The following CACNA2D1 variants were observed in gnomAD, a reference collection of about 807,000 sequenced individuals.
CACNA2D1 encodes the protein calcium voltage-gated channel auxiliary subunit alpha2delta 1.
CACNA2D1 carries 53 observed loss-of-function variants against 171.5 expected under a neutral mutation model. The ratio of observed to expected loss-of-function variants is 0.31; its 90% confidence interval spans 0.25 to 0.39. The LOEUF is 0.39. Ranked by LOEUF, CACNA2D1 falls within the 10% of genes least tolerant of loss-of-function variation. CACNA2D1 has a pLI of 1.00. For synonymous variants in CACNA2D1, 442 were observed against 443.1 expected, an observed-to-expected ratio of 1.00 and a Z score of 0.03; for missense variants, 903 against 1,299.8, an observed-to-expected ratio of 0.69 and a Z score of 4.69.
At chr7:82,045,202 T>C (rs1334944687) in intron 10 of CACNA2D1, among the ~76,000 whole-genome samples, 1 of 152,200 alleles carries the variant, frequency 6.6e-6, no homozygotes, top group African/African-American at 2.4e-5. Context: ...TATGTGCTAG[T>C]TTCACTGCAG....
intron 7 of CACNA2D1, among the ~76,000 whole-genome samples, chr7:82,070,554 G>A (rs1808204919): frequency 6.6e-6 from 1 of 152,164 alleles, no homozygotes; most frequent in Non-Finnish European, 1.5e-5. Flanking sequence ...GATTCCAAGG[G>A]CATCCAGGAC....
At chr7:81,982,299 T>G (rs1456339344) in intron 24 of CACNA2D1, among the ~76,000 whole-genome samples, 1 of 152,138 alleles carries the variant, frequency 6.6e-6, no homozygotes, top group Non-Finnish European at 1.5e-5. Context: ...CCAGCAAATT[T>G]TTGTATTTTC....
At chr7:82,191,550 G>A (rs778122647) in intron 3 of CACNA2D1, among the ~76,000 whole-genome samples, 11 of 151,650 alleles carry the variant, frequency 7.3e-5, no homozygotes, top group Non-Finnish European at 1.0e-4. Context: ...CAATTACCCC[G>A]TGTAAAATCT....
chr7:82,212,648 T>C (rs1432377642), intron 3 of CACNA2D1, among the ~76,000 whole-genome samples: 2 of 152,226 alleles, frequency 1.3e-5, no homozygotes, highest in Non-Finnish European at 2.9e-5. Context: ...TGAGCAGATA[T>C]GGATGCAGTC....
At chr7:81,975,303 C>T (rs1055157763) in intron 24 of CACNA2D1, among the ~76,000 whole-genome samples, 9 of 152,038 alleles carry the variant, frequency 5.9e-5, no homozygotes, top group African/African-American at 2.2e-4. Context: ...AAGTTCATTA[C>T]ATGTTAATAT....
intron 3 of CACNA2D1, among the ~76,000 whole-genome samples, chr7:82,295,748 A>T (rs1382711628): frequency 3.3e-5 from 5 of 152,086 alleles, no homozygotes; most frequent in Non-Finnish European, 7.4e-5. Flanking sequence ...ATACTGGGTT[A>T]ACATGTAGAT....
chr7:82,165,680 CT>C (rs527594364), intron 4 of CACNA2D1, among the ~76,000 whole-genome samples: 152 of 152,018 alleles, frequency 1.0e-3, no homozygotes, highest in South Asian at 1.5e-3. Flanking sequence ...AGTAAATGAG[CT>C]TTGCATTATG....
chr7:81,957,332 A>G (rs1255004437), intron 38 of CACNA2D1, among the ~76,000 whole-genome samples: 1 of 152,158 alleles, frequency 6.6e-6, no homozygotes. Flanking sequence ...CAAAACAACA[A>G]CATTGGTCCT....
chr7:82,433,057 G>T (rs186319813), intron 1 of CACNA2D1, among the ~76,000 whole-genome samples: 1 of 151,900 alleles, frequency 6.6e-6, no homozygotes. Flanking sequence ...GTGTGGTGGC[G>T]TGCGCCTGTA....
chr7:82,139,333 T>C (rs1240727765), intron 4 of CACNA2D1, among the ~76,000 whole-genome samples: 1 of 152,194 alleles, frequency 6.6e-6, no homozygotes, highest in Non-Finnish European at 1.5e-5. Context: ...ATTTTTTAAG[T>C]GCCAGTATTG....
At chr7:82,292,925 T>A (rs1346605466) in intron 3 of CACNA2D1, among the ~76,000 whole-genome samples, 1 of 152,084 alleles carries the variant, frequency 6.6e-6, no homozygotes, top group Non-Finnish European at 1.5e-5. Context: ...TGTGAGTATA[T>A]ACAAATATAT....
At chr7:82,235,765 T>C (rs979033498) in intron 3 of CACNA2D1, among the ~76,000 whole-genome samples, 2 of 152,054 alleles carry the variant, frequency 1.3e-5, no homozygotes, top group African/African-American at 4.8e-5. Flanking sequence ...ACTCTGGTGG[T>C]TGGAGGATAT....
chr7:82,171,597 A>C (rs1020877456), intron 3 of CACNA2D1, among the ~76,000 whole-genome samples: 1 of 152,102 alleles, frequency 6.6e-6, no homozygotes, highest in Non-Finnish European at 1.5e-5. Context: ...CAAAGTGCTT[A>C]GAACAGTGCC....
intron 2 of CACNA2D1, among the ~76,000 whole-genome samples, chr7:82,343,790 C>G (rs1818948640): frequency 6.6e-6 from 1 of 152,078 alleles, no homozygotes; most frequent in Non-Finnish European, 1.5e-5. Context: ...ATACTAAATT[C>G]ATTAAAACTA....
chr7:82,368,816 C>T (rs977491623), intron 1 of CACNA2D1, among the ~76,000 whole-genome samples: 3 of 152,110 alleles, frequency 2.0e-5, no homozygotes, highest in African/African-American at 7.2e-5. Flanking sequence ...AATCCTCCTA[C>T]ACTTCCAATG....
chr7:82,165,824 T>C (rs1490183635), intron 4 of CACNA2D1, among the ~76,000 whole-genome samples: 4 of 152,048 alleles, frequency 2.6e-5, no homozygotes, highest in Non-Finnish European at 5.9e-5. Flanking sequence ...TCAAGAGTGT[T>C]TCAACCAAAG....
chr7:82,059,707 C>T (rs556072251), intron 10 of CACNA2D1, among the ~76,000 whole-genome samples: 2 of 151,772 alleles, frequency 1.3e-5, no homozygotes, highest in South Asian at 2.1e-4. Context: ...AGAAGATCCA[C>T]GCGGCACTAT....
chr7:82,328,487 T>G (rs1178740660), intron 3 of CACNA2D1, among the ~76,000 whole-genome samples: 1 of 152,328 alleles, frequency 6.6e-6, no homozygotes, highest in Admixed American at 6.5e-5. Flanking sequence ...TCCCAAATCT[T>G]CAACAAAAAC....
intron 4 of CACNA2D1, among the ~76,000 whole-genome samples, chr7:82,144,872 A>G (rs554108890): frequency 6.6e-5 from 10 of 152,104 alleles, no homozygotes; most frequent in African/African-American, 1.9e-4. Flanking sequence ...AGATTAAAGT[A>G]AAATGATTTT....
Sources: gnomAD v4.1 joint callset for allele counts (sites outside exome capture counted in the v4.1 genomes callset) on GRCh38, gnomAD v4.1.1 for gene constraint, MANE v1.5 for transcripts, NCBI Gene and HGNC (gene_info 2026-07-23, HGNC 2026-07-21) for gene names.